AXDND1: variants seen among roughly 807,000 people sequenced by gnomAD.
AXDND1 encodes the protein axonemal dynein light chain domain-containing protein 1.
A neutral mutation model predicts 137.5 loss-of-function variants in AXDND1; 110 were observed. That is an observed-to-expected ratio of 0.80 (90% CI 0.69 to 0.94). AXDND1 has a LOEUF of 0.94. AXDND1 is among the 40% of genes least tolerant of loss of function. The pLI is 0.00. For synonymous variants in AXDND1, 414 were observed against 399.7 expected, an observed-to-expected ratio of 1.04 and a Z score of -0.43; for missense variants, 1,191 against 1,169.8, an observed-to-expected ratio of 1.02 and a Z score of -0.26.
At chr1:179,457,290 T>C in intron 16 of AXDND1, 3 of 654,636 alleles carry the variant, frequency 4.6e-6, no homozygotes, top group East Asian at 2.6e-5. Context: ...AAGGAAGAGC[T>C]TCCTCAACTG....
intron 16 of AXDND1, among the ~76,000 whole-genome samples, chr1:179,466,279 C>CTTT (rs1663168573): frequency 3.7e-5 from 4 of 107,126 alleles, no homozygotes; most frequent in Non-Finnish European, 5.7e-5. Context: ...CTTTCTTCTT[C>CTTT]TTCTTCTTTT....
intron 2 of AXDND1, among the ~76,000 whole-genome samples, chr1:179,367,429 C>A (rs1054662658): frequency 1.3e-5 from 2 of 151,988 alleles, no homozygotes; most frequent in African/African-American, 4.8e-5. Flanking sequence ...GCAGGAGAAT[C>A]GCTTGAACCC....
intron 11 of AXDND1, among the ~76,000 whole-genome samples, chr1:179,401,854 A>T (rs1203946853): frequency 6.6e-6 from 1 of 151,964 alleles, no homozygotes; most frequent in Admixed American, 6.6e-5. Flanking sequence ...CTGTGAGTAC[A>T]TTAAACCTCT....
chr1:179,484,819 C>T (rs1665838070), intron 18 of AXDND1, among the ~76,000 whole-genome samples: 1 of 152,208 alleles, frequency 6.6e-6, no homozygotes, highest in Non-Finnish European at 1.5e-5. Context: ...CACCCCATAA[C>T]CAATGCAAAG....
chr1:179,369,332 C>T (rs1447361700), intron 3 of AXDND1, among the ~76,000 whole-genome samples: 1 of 152,154 alleles, frequency 6.6e-6, no homozygotes. Context: ...CCCGCCTTAG[C>T]CTCCCAAAGT....
chr1:179,466,104 C>T (rs1571957425), intron 16 of AXDND1, among the ~76,000 whole-genome samples: 1 of 152,236 alleles, frequency 6.6e-6, no homozygotes, highest in East Asian at 1.9e-4. Context: ...CTTCAGCTCA[C>T]ACTCCATGGG....
intron 20 of AXDND1, among the ~76,000 whole-genome samples, chr1:179,506,550 A>G (rs1217761695): frequency 6.6e-6 from 1 of 152,012 alleles, no homozygotes; most frequent in Non-Finnish European, 1.5e-5. Flanking sequence ...TGGCCAACAT[A>G]GTGAAGCCCC....
At chr1:179,407,800 T>C (rs899787465) in intron 11 of AXDND1, among the ~76,000 whole-genome samples, 1 of 152,162 alleles carries the variant, frequency 6.6e-6, no homozygotes, top group Non-Finnish European at 1.5e-5. Context: ...TCTTGCAAGA[T>C]TTGGGAATTT....
rs774367644 is a variant in AXDND1, at chr1:179,488,580, TTCTC to T, written c.2092-2950_2092-2947del. 7.1e-3 allele frequency among the ~76,000 whole-genome samples: 997 copies of T among 139,614 alleles called. 131 individuals are homozygous for T. The highest frequency in any genetic ancestry group is 0.027 in the African/African-American group (964 of 35,868). 91.6% of individuals were successfully genotyped at this position (139,614 alleles called of 152,430 possible). A position where few individuals can be genotyped will look rare whatever the true frequency, so the allele number is the denominator to read the frequency against. ...CATACCTGGCCTGATCTATCTTTCT[TTCTC>T]TCTCTCTTTCTTTCTTTCTTTTTCT... On this transcript the variant is annotated intron_variant, in intron 18 of 25. Coordinates refer to ENST00000367618, the MANE Select transcript of AXDND1 (RefSeq NM_144696.6).
At chr1:179,525,808 T>TATATAC (rs149749029) in intron 22 of AXDND1, among the ~76,000 whole-genome samples, 7,764 of 151,432 alleles carry the variant, frequency 0.051, 460 homozygotes, top group African/African-American at 0.14. Context: ...TATATATATA[T>TATATAC]ACACAGACAT....
intron 11 of AXDND1, among the ~76,000 whole-genome samples, chr1:179,396,605 G>A (rs571128114): frequency 1.3e-5 from 2 of 151,122 alleles, no homozygotes; most frequent in East Asian, 2.0e-4. Context: ...CCGAGACTGC[G>A]CCACTGCACT....
chr1:179,505,774 T>C (rs559017136), intron 20 of AXDND1, among the ~76,000 whole-genome samples: 1 of 152,310 alleles, frequency 6.6e-6, no homozygotes, highest in South Asian at 2.1e-4. Context: ...TCTAGGTAAA[T>C]TGCTTCTTCA....
chr1:179,511,648 A>G (rs1347222043), intron 21 of AXDND1, among the ~76,000 whole-genome samples: 2 of 152,144 alleles, frequency 1.3e-5, no homozygotes, highest in Non-Finnish European at 2.9e-5. Flanking sequence ...ACTGTTTTCC[A>G]TAGTGGCTCT....
At chr1:179,479,046 G>A (rs542422316) in intron 17 of AXDND1, among the ~76,000 whole-genome samples, 2 of 152,208 alleles carry the variant, frequency 1.3e-5, no homozygotes, top group South Asian at 4.1e-4. Flanking sequence ...GCTGCAGTGA[G>A]CCAAGATCAA....
At chr1:179,374,951 C>T (rs1039681231) in intron 4 of AXDND1, among the ~76,000 whole-genome samples, 1 of 151,476 alleles carries the variant, frequency 6.6e-6, no homozygotes, top group Non-Finnish European at 1.5e-5. Context: ...ACATTGTGCA[C>T]ATGTACCCTA....
At chr1:179,506,920 T>G (rs1229341382) in intron 20 of AXDND1, 33 of 985,088 alleles carry the variant, frequency 3.3e-5, no homozygotes, top group Non-Finnish European at 3.6e-5. Flanking sequence ...TCAAGATGTT[T>G]TAGCAGGTAA....
intron 3 of AXDND1, among the ~76,000 whole-genome samples, chr1:179,369,529 A>G (rs1393011696): frequency 6.6e-6 from 1 of 152,070 alleles, no homozygotes; most frequent in Non-Finnish European, 1.5e-5. Context: ...GCATGCGCCT[A>G]TAGTCCCAGC....
At chr1:179,456,400 C>G in intron 16 of AXDND1, 1 of 782,338 alleles carries the variant, frequency 1.3e-6, no homozygotes, top group Non-Finnish European at 2.3e-6. Context: ...TTGCCAAAAT[C>G]ATTGTAGCTT....
chr1:179,397,600 C>T (rs533961507), intron 11 of AXDND1, among the ~76,000 whole-genome samples: 1 of 152,166 alleles, frequency 6.6e-6, no homozygotes, highest in African/African-American at 2.4e-5. Flanking sequence ...CTTACACTCA[C>T]CCTATCTCTT....
Sources: allele counts gnomAD v4.1 joint callset (sites outside exome capture counted in the v4.1 genomes callset), GRCh38; gene constraint gnomAD v4.1.1; transcripts MANE v1.5; gene names NCBI Gene and HGNC (gene_info 2026-07-23, HGNC 2026-07-21).